Variants in STEAP1B observed in about 807,000 individuals in gnomAD.
The protein encoded by STEAP1B is STEAP family protein MGC87042.
Under a neutral mutation model 27.9 loss-of-function variants are expected in STEAP1B, and 13 were observed. The observed-to-expected ratio is 0.47, with a 90% CI of 0.30 to 0.74. The LOEUF is 0.74. Among genes scored for constraint, STEAP1B ranks in the 30% least tolerant of loss-of-function variants. The probability of loss-of-function intolerance (pLI) is 0.06; values close to 1 mark genes in which losing one functional copy is unlikely to be tolerated. For synonymous variants in STEAP1B, 86 were observed against 107.1 expected (o/e 0.80, Z 1.22); for missense variants, 250 against 298.7 (o/e 0.84, Z 1.20).
chr7:22,446,335 G>A (rs772535785), intron 4 of STEAP1B, among the ~76,000 whole-genome samples: 3 of 152,238 alleles, frequency 2.0e-5, no homozygotes, highest in Non-Finnish European at 4.4e-5. Context: ...ACAGGACTGC[G>A]CTTTGCAAGA....
rs111865114 is a variant in STEAP1B at position 22,421,577 on chromosome 7, C to T, written c.763-1741G>A. On this transcript the variant is annotated intron_variant, in intron 4 of 4. Coordinates refer to ENST00000678116, the MANE Select transcript of STEAP1B (RefSeq NM_001382447.1). ...TGCCTGCAGGCACAGCTAAGCAGTT[C>T]CATGGATGTTCTAGCTCAGTTCTGT... 6.3e-4 allele frequency among the ~76,000 whole-genome samples: 96 copies of T among 152,294 alleles called. 1 individual carries two copies. Among genetic ancestry groups the T allele is most frequent in the African/African-American group, 1.8e-3 (73 of 41,564 alleles).
chr7:22,480,314 T>G (rs1329512927), intron 4 of STEAP1B, among the ~76,000 whole-genome samples: 1 of 152,222 alleles, frequency 6.6e-6, no homozygotes, highest in Non-Finnish European at 1.5e-5. Flanking sequence ...TTCTTTCTTT[T>G]GAAAGCTTTA....
chr7:22,422,976 A>C (rs1785062513), intron 4 of STEAP1B, among the ~76,000 whole-genome samples: 1 of 152,220 alleles, frequency 6.6e-6, no homozygotes. Flanking sequence ...ATCATAAAAA[A>C]CTTCATTTAA....
chr7:22,424,944 A>G (rs1420503296), intron 4 of STEAP1B, among the ~76,000 whole-genome samples: 6 of 152,186 alleles, frequency 3.9e-5, no homozygotes, highest in African/African-American at 1.4e-4. Flanking sequence ...ATTAATAAAA[A>G]ATATGTAGAA....
intron 4 of STEAP1B, among the ~76,000 whole-genome samples, chr7:22,456,655 TGAAA>T (rs756053817): frequency 1.6e-4 from 25 of 152,054 alleles, no homozygotes; most frequent in Non-Finnish European, 2.9e-4. Context: ...GATGTGAATC[TGAAA>T]GAAATGTCTG....
intron 4 of STEAP1B, among the ~76,000 whole-genome samples, chr7:22,456,100 T>C (rs1785574752): frequency 2.0e-5 from 3 of 152,010 alleles, no homozygotes; most frequent in African/African-American, 7.3e-5. Flanking sequence ...TGAGCTGAGA[T>C]TGCGCCACTG....
chr7:22,480,665 C>T (rs918695212), intron 4 of STEAP1B, among the ~76,000 whole-genome samples: 1 of 152,230 alleles, frequency 6.6e-6, no homozygotes, highest in South Asian at 2.1e-4. Flanking sequence ...TTATCCCAAT[C>T]ATGCTATGGT....
At chr7:22,474,251 A>T (rs1216664144) in intron 4 of STEAP1B, among the ~76,000 whole-genome samples, 1 of 152,238 alleles carries the variant, frequency 6.6e-6, no homozygotes, top group Non-Finnish European at 1.5e-5. Context: ...GAGATGATAA[A>T]GCAGTAAAGA....
intron 4 of STEAP1B, among the ~76,000 whole-genome samples, chr7:22,446,679 A>G (rs114605295): frequency 1.6e-3 from 245 of 152,242 alleles, no homozygotes; most frequent in African/African-American, 5.6e-3. Context: ...TTTTCTGAGC[A>G]CTCACTTTTT....
intron 4 of STEAP1B, among the ~76,000 whole-genome samples, chr7:22,452,354 GAA>G (rs1367993014): frequency 6.6e-6 from 1 of 152,110 alleles, no homozygotes; most frequent in Non-Finnish European, 1.5e-5. Context: ...GAAACGGAAA[GAA>G]AGTGACCCCT....
At chr7:22,473,154 T>C (rs1785913987) in intron 4 of STEAP1B, among the ~76,000 whole-genome samples, 1 of 152,160 alleles carries the variant, frequency 6.6e-6, no homozygotes, top group African/African-American at 2.4e-5. Context: ...CCGCAAGTCA[T>C]TAAGCAGGCA....
At chr7:22,438,657 C>T (rs1785286037) in intron 4 of STEAP1B, 8 of 1,551,974 alleles carry the variant, frequency 5.2e-6, no homozygotes, top group Non-Finnish European at 7.0e-6. Context: ...TTCCACACTG[C>T]TGCTCCTGCC....
intron 4 of STEAP1B, among the ~76,000 whole-genome samples, chr7:22,468,922 C>T (rs1051658333): frequency 2.6e-5 from 4 of 152,188 alleles, no homozygotes; most frequent in African/African-American, 9.7e-5. Context: ...CAATTATGTA[C>T]AGTACATAAT....
intron 4 of STEAP1B, among the ~76,000 whole-genome samples, chr7:22,443,430 A>T (rs1256264768): frequency 6.6e-6 from 1 of 152,212 alleles, no homozygotes; most frequent in Non-Finnish European, 1.5e-5. Flanking sequence ...ATAACAGTAA[A>T]CAAGGAAGAC....
At chr7:22,430,858 C>G (rs1425769857) in intron 4 of STEAP1B, among the ~76,000 whole-genome samples, 1 of 152,218 alleles carries the variant, frequency 6.6e-6, no homozygotes, top group Non-Finnish European at 1.5e-5. Flanking sequence ...CTGCATTTTT[C>G]CCAATCTGGT....
chr7:22,471,076 T>C (rs984986899), intron 4 of STEAP1B, among the ~76,000 whole-genome samples: 1 of 152,138 alleles, frequency 6.6e-6, no homozygotes, highest in Admixed American at 6.6e-5. Context: ...TTTTCCCCCT[T>C]TCCTTCTTCA....
At chr7:22,459,964 C>T (rs552148417) in intron 4 of STEAP1B, among the ~76,000 whole-genome samples, 7 of 152,122 alleles carry the variant, frequency 4.6e-5, no homozygotes, top group South Asian at 2.1e-4. Flanking sequence ...GCCTGTGGAA[C>T]GTGTAGCCGT....
At chr7:22,484,273 T>C (rs10251719) in intron 4 of STEAP1B, among the ~76,000 whole-genome samples, 59,098 of 152,068 alleles carry the variant, frequency 0.39, 12,193 homozygotes, top group African/African-American at 0.54. Flanking sequence ...GACAGGCTGA[T>C]TCTTGTTAGG....
chr7:22,438,498 A>C (rs1785282919), intron 4 of STEAP1B: 2 of 1,549,858 alleles, frequency 1.3e-6, no homozygotes, highest in East Asian at 4.9e-5. Context: ...CTTAAATCTG[A>C]AAGATGATCA....
Sources: allele counts gnomAD v4.1 joint callset (sites outside exome capture counted in the v4.1 genomes callset), GRCh38; gene constraint gnomAD v4.1.1; transcripts MANE v1.5; gene names NCBI Gene and HGNC (gene_info 2026-07-23, HGNC 2026-07-21).